Variants in DTD1 observed in about 807,000 individuals in gnomAD.
The protein encoded by DTD1 is D-tyrosyl-tRNA deacylase 1 homolog.
In DTD1, 13 loss-of-function variants were observed where a neutral mutation model predicts 25.6. That is an observed-to-expected ratio of 0.51 (90% CI 0.33 to 0.81). The LOEUF (loss-of-function observed/expected upper bound fraction) is 0.81, where lower values mean the gene tolerates loss of function less well. Ranked by LOEUF, DTD1 falls within the 30% of genes least tolerant of loss-of-function variation. The pLI is 0.02. For missense variants in DTD1, 193 were observed against 266.4 expected, an observed-to-expected ratio of 0.72 and a Z score of 1.92; for synonymous variants, 110 against 103.6, an observed-to-expected ratio of 1.06 and a Z score of -0.37.
At position 18,696,001 on chromosome 20, in the gene DTD1, T is replaced by G. The variant is rs376346326; in HGVS notation, c.478-48099T>G. On this transcript the variant is annotated intron_variant, in intron 4 of 5. Transcript: ENST00000377452. The stretch of plus-strand genomic sequence containing the variant: ...CCCACGTTTTATTCAGTCAGGAAGA[T>G]AGGAGGATTTAAGGCTTTGGTGACA... Among the ~76,000 whole-genome samples the G allele has an allele frequency of 9.2e-4, 140 of 152,140 alleles. 1 individual carries two copies. The highest frequency in any genetic ancestry group is 3.0e-3 in the African/African-American group (123 of 41,516).
At chr20:18,696,046 A>G (rs953362834) in intron 4 of DTD1, among the ~76,000 whole-genome samples, 1 of 152,060 alleles carries the variant, frequency 6.6e-6, no homozygotes, top group African/African-American at 2.4e-5. Flanking sequence ...GTCTTGAGAA[A>G]TTGTTTTCCC....
intron 5 of DTD1, among the ~76,000 whole-genome samples, chr20:18,751,064 C>CGTGT (rs144204072): frequency 0.13 from 19,876 of 150,302 alleles, 1,568 homozygotes; most frequent in Non-Finnish European, 0.18. Flanking sequence ...CTACAGCAGC[C>CGTGT]GTGTGTGTGT....
chr20:18,596,415 C>T (rs972541031), intron 3 of DTD1, among the ~76,000 whole-genome samples, 174 bp downstream of exon 3: 1 of 152,342 alleles, frequency 6.6e-6, no homozygotes, highest in South Asian at 2.1e-4. Flanking sequence ...TAACACATGT[C>T]CTCAGAATGC....
intron 4 of DTD1, among the ~76,000 whole-genome samples, chr20:18,693,038 G>A (rs947202252): frequency 2.6e-5 from 4 of 151,724 alleles, no homozygotes; most frequent in African/African-American, 4.8e-5. Flanking sequence ...TTACAGGCGC[G>A]TGTCACCACG....
At chr20:18,609,035 T>C (rs1169729574) in intron 3 of DTD1, among the ~76,000 whole-genome samples, 1 of 152,176 alleles carries the variant, frequency 6.6e-6, no homozygotes, top group Non-Finnish European at 1.5e-5. Context: ...AAACATAGCC[T>C]CCTTTGTTAA....
chr20:18,652,205 C>G (rs536167666), intron 4 of DTD1, among the ~76,000 whole-genome samples: 6 of 152,338 alleles, frequency 3.9e-5, no homozygotes, highest in African/African-American at 1.4e-4. Context: ...TGAGTCTTTG[C>G]ATAAACTTAT....
At chr20:18,659,214 T>C (rs2060900204) in intron 4 of DTD1, among the ~76,000 whole-genome samples, 1 of 152,360 alleles carries the variant, frequency 6.6e-6, no homozygotes, top group East Asian at 1.9e-4. Context: ...TTCTGGGACG[T>C]AGTCTGATGG....
intron 2 of DTD1, 74 bp from the exon 3 acceptor site, chr20:18,595,932 C>T: frequency 7.6e-7 from 1 of 1,318,918 alleles, no homozygotes; most frequent in East Asian, 2.3e-5. Flanking sequence ...AAGCTGGTGA[C>T]ATTTTTGGGG....
intron 4 of DTD1, among the ~76,000 whole-genome samples, chr20:18,640,112 G>A (rs1364828939): frequency 6.7e-6 from 1 of 149,358 alleles, no homozygotes; most frequent in African/African-American, 2.5e-5. Context: ...CTCTTGGGAA[G>A]AGTCTCTTAT....
intron 4 of DTD1, among the ~76,000 whole-genome samples, chr20:18,737,357 C>T (rs374200946): frequency 1.3e-5 from 2 of 152,216 alleles, no homozygotes; most frequent in Non-Finnish European, 2.9e-5. Flanking sequence ...ACTCCCAGCA[C>T]AGCTTTCGTT....
chr20:18,665,015 A>C (rs1364695724), intron 4 of DTD1, among the ~76,000 whole-genome samples: 1 of 152,220 alleles, frequency 6.6e-6, no homozygotes, highest in Non-Finnish European at 1.5e-5. Context: ...CACTTGGAGG[A>C]TGGAAAGTAA....
intron 4 of DTD1, among the ~76,000 whole-genome samples, chr20:18,636,695 T>C (rs532810167): frequency 1.3e-5 from 2 of 152,284 alleles, no homozygotes; most frequent in South Asian, 4.1e-4. Context: ...CCACAAGTTT[T>C]GTATGTGTGG....
intron 4 of DTD1, among the ~76,000 whole-genome samples, chr20:18,652,652 G>A (rs2060878512): frequency 6.6e-6 from 1 of 152,196 alleles, no homozygotes; most frequent in Non-Finnish European, 1.5e-5. Context: ...GACTCTGCTA[G>A]CTTTGACATT....
At chr20:18,618,571 A>G (rs1043599849) in intron 3 of DTD1, among the ~76,000 whole-genome samples, 1 of 149,878 alleles carries the variant, frequency 6.7e-6, no homozygotes, top group Non-Finnish European at 1.5e-5. Flanking sequence ...ACATATTAAT[A>G]CATATATAAT....
intron 2 of DTD1, among the ~76,000 whole-genome samples, chr20:18,594,628 C>G (rs2060602718): frequency 6.6e-6 from 1 of 152,192 alleles, no homozygotes; most frequent in Non-Finnish European, 1.5e-5. Context: ...GGGTATAACC[C>G]TGCCCAACTG....
In DTD1 at chr20:18,751,085, G is replaced by GT. The variant is rs55868062; in HGVS notation, c.*19+6814_*19+6815insT. ...CAGCCGTGTGTGTGTGTGTGTGTGT[G>GT]GGTGTGTGTTTTCTGTTGAAAAGGT... On this transcript the variant is annotated intron_variant, in intron 5 of 5. Coordinates refer to ENST00000377452, the MANE Select transcript of DTD1 (RefSeq NM_080820.6). 2.3e-3 allele frequency among the ~76,000 whole-genome samples: 351 copies of GT among 151,760 alleles called. 1 individual carries two copies. The highest frequency in any genetic ancestry group is 4.2e-3 in the Non-Finnish European group (284 of 67,892).
Position 18,661,528 on chromosome 20 carries a change from C to T in DTD1, c.477+33295C>T, listed in dbSNP as rs192950876. Reference sequence around the variant, plus strand: ...CTGGGACTACAGGTGCCCGCCAGCACGCCTGGCTAATTTTTTGTATTTTTA... The same window carrying T: ...CTGGGACTACAGGTGCCCGCCAGCATGCCTGGCTAATTTTTTGTATTTTTA... On this transcript the variant is annotated intron_variant, in intron 4 of 5. Transcript: ENST00000377452. Among the ~76,000 whole-genome samples the T allele has an allele frequency of 1.7e-3, 264 of 152,188 alleles. 1 individual carries two copies. Among genetic ancestry groups the T allele is most frequent in the Non-Finnish European group, 2.6e-3 (180 of 68,012 alleles).
intron 1 of DTD1, among the ~76,000 whole-genome samples, chr20:18,593,125 T>C (rs2060597064): frequency 6.6e-6 from 1 of 151,622 alleles, no homozygotes. Context: ...GATTGAAAAA[T>C]ATTTGGAGAT....
chr20:18,623,080 C>T (rs775719441), intron 3 of DTD1, among the ~76,000 whole-genome samples: 5 of 151,908 alleles, frequency 3.3e-5, no homozygotes, highest in Non-Finnish European at 7.4e-5. Context: ...GCTGGGAGTA[C>T]AGGCGTATGC....
Sources: gnomAD v4.1 joint callset for allele counts (sites outside exome capture counted in the v4.1 genomes callset) on GRCh38, gnomAD v4.1.1 for gene constraint, MANE v1.5 for transcripts, NCBI Gene and HGNC (gene_info 2026-07-23, HGNC 2026-07-21) for gene names.